The following SMTNL1 variants were observed in gnomAD, a reference collection of about 807,000 sequenced individuals.
The protein encoded by SMTNL1 is smoothelin like 1, also known as smoothelin-like protein 1.
In SMTNL1, 41 loss-of-function variants were observed where a neutral mutation model predicts 46.6. The observed-to-expected ratio is 0.88, with a 90% CI of 0.69 to 1.14. The LOEUF is 1.14. Among genes scored for constraint, SMTNL1 ranks in the 50% most tolerant of loss-of-function variants. SMTNL1 has a pLI of 0.00. For synonymous variants in SMTNL1, 234 were observed against 234.2 expected, an observed-to-expected ratio of 1.00 and a Z score of 0.01; for missense variants, 591 against 626.1, an observed-to-expected ratio of 0.94 and a Z score of 0.60.
At chr11:57,542,560 A>G in intron 1 of SMTNL1, 81 bp from the exon 2 acceptor site, 1 of 1,482,632 alleles carries the variant, frequency 6.7e-7, no homozygotes, top group Non-Finnish European at 9.0e-7. Context: ...CCTGACTCCC[A>G]GGCCAGAGCT....
Position 57,543,915 on chromosome 11 carries a change from A to G in SMTNL1, c.912A>G (p.Ser304=), listed in dbSNP as rs376997203. Residue 304 remains serine, a synonymous_variant, in exon 4 of 8, where the codon TCA becomes TCG. Coordinates refer to ENST00000527972, the MANE Select transcript of SMTNL1 (RefSeq NM_001105565.3). ...TAGCTTCCGGACAGACCAGTCCTTCAGCCAGGTAATGTCAAACTCTGGGGC... is the reference window on the plus strand; with the variant it reads ...TAGCTTCCGGACAGACCAGTCCTTCGGCCAGGTAATGTCAAACTCTGGGGC... The part of the protein sequence containing the change: ...DCVASGQTSP[S]ASESSPSDVP... The G allele has an allele frequency of 7.6e-6, 12 of 1,582,374 alleles. No homozygotes were observed. The highest frequency in any genetic ancestry group is 1.7e-4 in the Middle Eastern group (1 of 6,060).
At chr11:57,546,763 G>A (rs1326297675) in intron 7 of SMTNL1, 111 bp downstream of exon 7, 18 of 1,324,558 alleles carry the variant, frequency 1.4e-5, no homozygotes, top group Non-Finnish European at 9.3e-6. Context: ...ACACATTCAT[G>A]TATCCAACAG....
chr11:57,542,867 G>T lies in SMTNL1; in HGVS notation c.225G>T (p.Glu75Asp). 1 of 1,612,406 alleles carries T rather than the reference G, an allele frequency of 6.2e-7. No individual in the cohort carries two copies. Reference protein sequence around the residue: ...ELQGEANGLDEVKVESQREAG... With the variant: ...ELQGEANGLDDVKVESQREAG... ...AGGGGGAAGCAAATGGATTAGATGAGGTCAAAGTGGAATCTCAGAGGGAGG... is the reference window on the plus strand; with the variant it reads ...AGGGGGAAGCAAATGGATTAGATGATGTCAAAGTGGAATCTCAGAGGGAGG... The change falls in exon 2 of 8, where the codon GAG (glutamate) becomes GAT (aspartate). Residue 75 changes from glutamate (E) to aspartate (D), a missense_variant. Coordinates refer to ENST00000527972, the MANE Select transcript of SMTNL1 (RefSeq NM_001105565.3).
In SMTNL1 at chr11:57,543,878, G is replaced by T. The variant is rs1565155347; in HGVS notation, c.875G>T (p.Gly292Val). The T allele has an allele frequency of 6.3e-7, 1 of 1,592,988 alleles. No homozygotes were observed. Among genetic ancestry groups the T allele is most frequent in the Admixed American group, 1.8e-5 (1 of 57,100 alleles). Residue 292 changes from glycine to valine, a missense_variant, in exon 4 of 8, where the codon GGT becomes GTT. Transcript: ENST00000527972. ...TTTCACTTTCCTCCAGATGGGCTGG[G>T]TCCAGACTGTGTAGCTTCCGGACAG... ...EGHNLSTDGL[G>V]PDCVASGQTS... is the part of the protein sequence containing the mutation.
intron 7 of SMTNL1, among the ~76,000 whole-genome samples, 194 bp downstream of exon 7, chr11:57,546,846 G>C (rs1271253935): frequency 6.6e-6 from 1 of 152,184 alleles, no homozygotes; most frequent in East Asian, 1.9e-4. Flanking sequence ...AAAAATCTCT[G>C]CTTGAGTCAA....
chr11:57,548,275 C>T (rs184997134), intron 7 of SMTNL1, among the ~76,000 whole-genome samples: 3 of 152,286 alleles, frequency 2.0e-5, no homozygotes, highest in East Asian at 3.9e-4. Flanking sequence ...ACCAAGCATT[C>T]CTGCCTCGGG....
At chr11:57,548,076 A>G (rs936125301) in intron 7 of SMTNL1, among the ~76,000 whole-genome samples, 4 of 152,118 alleles carry the variant, frequency 2.6e-5, no homozygotes, top group Non-Finnish European at 4.4e-5. Context: ...CTGAGGATGG[A>G]GGGGAGGAGT....
chr11:57,549,347 GC>G (rs766492034), intron 7 of SMTNL1, among the ~76,000 whole-genome samples: 16 of 151,530 alleles, frequency 1.1e-4, no homozygotes, highest in Admixed American at 2.6e-4. Flanking sequence ...TTCCTGAGGG[GC>G]CTGGTCTAAC....
rs974587025 is a variant in SMTNL1, at chr11:57,546,036, G to A, written c.1073G>A (p.Gly358Glu). ...AAAGCCATCGTGGACAAGTTTGGCG[G>A]GTAGGACACAGGCCAGGGGCTGGGC... ...NRKAIVDKFG[G>E]AASGPTALFR... The change falls in exon 5 of 8, where the codon GGG becomes GAG. Residue 358 changes from glycine (G) to glutamate (E), a missense_variant and splice_region_variant. By Grantham distance (98) the Gly-to-Glu change is moderately conservative. Transcript: ENST00000527972. 11 of 1,580,000 alleles carry A rather than the reference G, an allele frequency of 7.0e-6. No individual in the cohort carries two copies. The highest frequency in any genetic ancestry group is 2.7e-5 in the African/African-American group (2 of 73,704).
rs781323828 is a variant in SMTNL1 at position 57,543,208 on chromosome 11, C to G, written c.566C>G (p.Pro189Arg). Reference sequence around the variant, plus strand: ...CAGAGGAAAGAGTGCAGCACTGAACCCAAGGAGAAGGCTACTGATGAAGAG... The same window carrying G: ...CAGAGGAAAGAGTGCAGCACTGAACGCAAGGAGAAGGCTACTGATGAAGAG... ...TGQRKECSTE[P>R]KEKATDEEAK... is the part of the protein sequence containing the mutation. The change falls in exon 2 of 8, where the codon CCC becomes CGC. Residue 189 changes from proline to arginine, a missense_variant. By Grantham distance (103) the Pro-to-Arg change is moderately radical. Coordinates refer to ENST00000527972, the MANE Select transcript of SMTNL1 (RefSeq NM_001105565.3). 4.3e-6 allele frequency: 7 copies of G among 1,613,552 alleles called. No homozygotes were observed. The highest frequency in any genetic ancestry group is 5.9e-6 in the Non-Finnish European group (7 of 1,179,826).
chr11:57,546,494 G>A lies in SMTNL1; in HGVS notation c.1189-7G>A, dbSNP rs931766318. ...CTGAGGCCTCCTCTGTGCCCTGCCT[G>A]CCATAGCATGTGGACATCCAGAACT... On this transcript the variant is annotated splice_polypyrimidine_tract_variant and splice_region_variant and intron_variant, in intron 6 of 7. Coordinates refer to ENST00000527972, the MANE Select transcript of SMTNL1 (RefSeq NM_001105565.3). 6.2e-7 allele frequency: 1 copy of A among 1,614,042 alleles called. No individual in the cohort carries two copies. The highest frequency in any genetic ancestry group is 8.5e-7 in the Non-Finnish European group (1 of 1,179,966).
At chr11:57,540,275 C>T (rs1944862530) in intron 1 of SMTNL1, among the ~76,000 whole-genome samples, 2 of 151,946 alleles carry the variant, frequency 1.3e-5, no homozygotes, top group Admixed American at 6.6e-5. Flanking sequence ...TTTTATTTTC[C>T]TTACTATAGA....
chr11:57,543,881 C>CAG lies in SMTNL1; in HGVS notation c.880_881dup (p.Asp294GlufsTer4). The CAG allele has an allele frequency of 6.3e-7, 1 of 1,592,974 alleles. No homozygotes were observed. Among genetic ancestry groups the CAG allele is most frequent in the Non-Finnish European group, 8.5e-7 (1 of 1,169,702 alleles). Reference sequence around the variant, plus strand: ...CACTTTCCTCCAGATGGGCTGGGTCCAGACTGTGTAGCTTCCGGACAGACC... The same window carrying CAG: ...CACTTTCCTCCAGATGGGCTGGGTCCAGAGACTGTGTAGCTTCCGGACAGACC... On this transcript the variant is annotated frameshift_variant, in exon 4 of 8. Transcript: ENST00000527972. LOFTEE classifies it high-confidence loss of function.
At chr11:57,541,446 C>T in intron 1 of SMTNL1, 3 of 1,344,206 alleles carry the variant, frequency 2.2e-6, no homozygotes, top group Non-Finnish European at 3.0e-6. Flanking sequence ...TTTGTAGATC[C>T]TCCAGTATAT....
At chr11:57,546,383 G>A (rs754924073) in intron 6 of SMTNL1, 36 bp downstream of exon 6, 1 of 1,560,804 alleles carries the variant, frequency 6.4e-7, no homozygotes, top group East Asian at 2.3e-5. Context: ...GTGGGGCAGG[G>A]GTCCAGGGAG....
At position 57,543,010 on chromosome 11, in the gene SMTNL1, A is replaced by G. The variant is rs1944891813; in HGVS notation, c.368A>G (p.Lys123Arg). 1 of 1,602,570 alleles carries G rather than the reference A, an allele frequency of 6.2e-7. No individual in the cohort carries two copies. The highest frequency in any genetic ancestry group is 8.5e-7 in the Non-Finnish European group (1 of 1,174,536). ...GRKEETKSEPKEAEEKESTLA... is the reference protein window; with the variant it reads ...GRKEETKSEPREAEEKESTLA... ...AAAGAAGAGACCAAATCTGAACCCA[A>G]AGAGGCTGAGGAAAAGGAGAGCACG... Residue 123 changes from lysine to arginine, a missense_variant, in exon 2 of 8, where the codon AAA (lysine) becomes AGA (arginine). Coordinates refer to ENST00000527972, the MANE Select transcript of SMTNL1 (RefSeq NM_001105565.3).
chr11:57,546,486 C>A lies in SMTNL1; in HGVS notation c.1189-15C>A, dbSNP rs921683114. The A allele has an allele frequency of 6.2e-7, 1 of 1,613,846 alleles. No individual in the cohort carries two copies. Among genetic ancestry groups the A allele is most frequent in the East Asian group, 2.2e-5 (1 of 44,886 alleles). On this transcript the variant is annotated splice_polypyrimidine_tract_variant and intron_variant, in intron 6 of 7. Transcript: ENST00000527972. ...GAGCCTCACTGAGGCCTCCTCTGTG[C>A]CCTGCCTGCCATAGCATGTGGACAT...
At chr11:57,545,145 C>A (rs1944911773) in intron 4 of SMTNL1, among the ~76,000 whole-genome samples, 1 of 151,994 alleles carries the variant, frequency 6.6e-6, no homozygotes, top group Non-Finnish European at 1.5e-5. Context: ...CCTCCTTGTC[C>A]CTTTCTTAGG....
intron 7 of SMTNL1, among the ~76,000 whole-genome samples, chr11:57,549,108 CTCCACCTCCTGGGT>C (rs1944941018): frequency 6.6e-6 from 1 of 151,852 alleles, no homozygotes; most frequent in Admixed American, 6.6e-5. Flanking sequence ...TCACTGCAAC[CTCCACCTCCTGGGT>C]TCGAGTGATT....
Sources: gnomAD v4.1 joint callset for allele counts (sites outside exome capture counted in the v4.1 genomes callset) on GRCh38, gnomAD v4.1.1 for gene constraint, MANE v1.5 for transcripts, NCBI Gene and HGNC (gene_info 2026-07-23, HGNC 2026-07-21) for gene names.